Variants in PIK3C2G observed in about 807,000 individuals in gnomAD.
The protein encoded by PIK3C2G is phosphatidylinositol-4-phosphate 3-kinase catalytic subunit type 2 gamma, also known as phosphatidylinositol 3-kinase C2 domain-containing subunit gamma.
PIK3C2G carries 168 observed loss-of-function variants against 181.1 expected under a neutral mutation model. The observed-to-expected ratio is 0.93, with a 90% CI of 0.82 to 1.05. The LOEUF (loss-of-function observed/expected upper bound fraction) is 1.05, where lower values mean the gene tolerates loss of function less well. PIK3C2G is among the 50% of genes least tolerant of loss of function. The probability of loss-of-function intolerance (pLI) is 0.00; values close to 1 mark genes in which losing one functional copy is unlikely to be tolerated. For synonymous variants in PIK3C2G, 573 were observed against 592.2 expected (o/e 0.97, Z 0.47); for missense variants, 1,869 against 1,732.8 (o/e 1.08, Z -1.40).
At position 18,403,641 on chromosome 12, in the gene PIK3C2G, A is replaced by G. The variant is rs528179465; in HGVS notation, c.2315+3794A>G. ...AGTTTTTAATATTGCTATTTACTTA[A>G]TCTGTCCAAAGGTTCACCATCTCCT... is the stretch of plus-strand genomic sequence containing the variant. On this transcript the variant is annotated intron_variant, in intron 16 of 32. Coordinates refer to ENST00000538779, the MANE Select transcript of PIK3C2G (RefSeq NM_001288772.2). Among the ~76,000 whole-genome samples, 47 of 152,198 alleles carry G rather than the reference A, an allele frequency of 3.1e-4. 1 individual carries two copies. In the South Asian group the frequency reaches 9.5e-3, roughly 31 times the overall value.
the PIK3C2G span, chr12:18,688,021 A>T: frequency 6.3e-7 from 1 of 1,578,422 alleles, no homozygotes; most frequent in Non-Finnish European, 8.6e-7. Context: ...AACTCTATCA[A>T]CATATAATTT....
chr12:18,419,017 G>C (rs1945330568), intron 16 of PIK3C2G, among the ~76,000 whole-genome samples: 1 of 152,132 alleles, frequency 6.6e-6, no homozygotes, highest in African/African-American at 2.4e-5. Context: ...TGATAACACA[G>C]ACTACAGTGA....
At chr12:18,475,618 A>T (rs753463157) in intron 18 of PIK3C2G, among the ~76,000 whole-genome samples, 1 of 152,072 alleles carries the variant, frequency 6.6e-6, no homozygotes, top group African/African-American at 2.4e-5. Context: ...TTTCCCCATG[A>T]TCTGAATCCT....
chr12:18,615,331 GT>G (rs1410936722), intron 31 of PIK3C2G, among the ~76,000 whole-genome samples: 1 of 27,348 alleles, frequency 3.7e-5, no homozygotes, highest in African/African-American at 4.9e-4. Context: ...GTATTCCACG[GT>G]GTGTGTGTGT....
chr12:18,378,452 C>T (rs1005585775), intron 13 of PIK3C2G, among the ~76,000 whole-genome samples: 1 of 152,144 alleles, frequency 6.6e-6, no homozygotes, highest in Admixed American at 6.5e-5. Flanking sequence ...AGGACATAGG[C>T]ATGGGCAAGG....
chr12:18,259,175 C>G (rs1948178235), upstream of PIK3C2G, among the ~76,000 whole-genome samples: 1 of 152,026 alleles, frequency 6.6e-6, no homozygotes. Flanking sequence ...GTCTTTTTCA[C>G]CACATTATAA....
At chr12:18,504,323 G>A (rs992524649) in intron 23 of PIK3C2G, among the ~76,000 whole-genome samples, 11 of 152,236 alleles carry the variant, frequency 7.2e-5, no homozygotes, top group African/African-American at 2.2e-4. Context: ...CTTTTTAGCT[G>A]TTCCCAAAAT....
At chr12:18,682,135 T>C in the PIK3C2G span, among the ~76,000 whole-genome samples, 2 of 152,082 alleles carry the variant, frequency 1.3e-5, no homozygotes, top group South Asian at 2.1e-4. Context: ...AACTGGAAGA[T>C]TGTGCACTTA....
the PIK3C2G span, chr12:18,688,301 C>A: frequency 7.0e-7 from 1 of 1,424,126 alleles, no homozygotes; most frequent in East Asian, 2.3e-5. Context: ...TTATGTATTA[C>A]AAAAAGTTGA....
chr12:18,694,078 C>G, the PIK3C2G span: 5 of 1,216,056 alleles, frequency 4.1e-6, no homozygotes, highest in African/African-American at 4.6e-5. Context: ...AGGAAGACAC[C>G]CCTGAGGGGC....
chr12:18,650,724 A>ATTCCAG (rs1565602756), downstream of PIK3C2G, among the ~76,000 whole-genome samples: 1 of 19,260 alleles, frequency 5.2e-5, no homozygotes, highest in East Asian at 2.1e-3. Flanking sequence ...ATATATATAT[A>ATTCCAG]TATATATATA....
chr12:18,450,082 A>C (rs544428270), intron 18 of PIK3C2G, among the ~76,000 whole-genome samples: 1 of 152,168 alleles, frequency 6.6e-6, no homozygotes, highest in South Asian at 2.1e-4. Context: ...TCTTCTGTTG[A>C]GAAGTGTCTG....
chr12:18,388,071 AG>A (rs2138023437), intron 14 of PIK3C2G, among the ~76,000 whole-genome samples: 1 of 152,314 alleles, frequency 6.6e-6, no homozygotes, highest in East Asian at 1.9e-4. Context: ...ATTGATACAA[AG>A]TTTTTAGAAC....
rs1949246549 is a variant in PIK3C2G, at chr12:18,282,138, T to C, written c.57T>C (p.Tyr19=). The C allele has an allele frequency of 1.9e-6, 3 of 1,609,354 alleles. No homozygotes were observed. The highest frequency in any genetic ancestry group is 2.7e-5 in the African/African-American group (2 of 74,878). ...PNPNESHEKQ[Y]EHQEFLFVNQ... ...CTAATGAATCACACGAAAAGCAGTA[T>C]GAACACCAAGAATTTCTCTTTGTAA... The change falls in exon 2 of 33, where the codon TAT becomes TAC. Residue 19 remains tyrosine, a synonymous_variant. Coordinates refer to ENST00000538779, the MANE Select transcript of PIK3C2G (RefSeq NM_001288772.2).
the PIK3C2G span, among the ~76,000 whole-genome samples, chr12:18,665,441 T>A: frequency 2.0e-5 from 3 of 152,194 alleles, no homozygotes; most frequent in African/African-American, 7.2e-5. Context: ...ATTGGTAATG[T>A]ATTTTAGGTT....
chr12:18,267,030 A>G (rs1948532335), intron 1 of PIK3C2G, among the ~76,000 whole-genome samples: 1 of 151,740 alleles, frequency 6.6e-6, no homozygotes, highest in Non-Finnish European at 1.5e-5. Context: ...TTTCTGATTT[A>G]TTTTTAGGAT....
At chr12:18,704,192 A>G in the PIK3C2G span, among the ~76,000 whole-genome samples, 1 of 152,216 alleles carries the variant, frequency 6.6e-6, no homozygotes, top group Non-Finnish European at 1.5e-5. Context: ...GAGGTTCATT[A>G]GAATTTATCA....
the PIK3C2G span, among the ~76,000 whole-genome samples, chr12:18,658,111 C>A: frequency 6.6e-6 from 1 of 152,026 alleles, no homozygotes; most frequent in African/African-American, 2.4e-5. Context: ...GAAGAATTAG[C>A]AAACTTGAAA....
chr12:18,427,284 T>C (rs924037978), intron 18 of PIK3C2G, among the ~76,000 whole-genome samples: 2 of 151,750 alleles, frequency 1.3e-5, no homozygotes, highest in Non-Finnish European at 2.9e-5. Flanking sequence ...GGCTGGTGGA[T>C]CACCTGAGGT....
Sources: allele counts gnomAD v4.1 joint callset (sites outside exome capture counted in the v4.1 genomes callset), GRCh38; gene constraint gnomAD v4.1.1; transcripts MANE v1.5; gene names NCBI Gene and HGNC (gene_info 2026-07-23, HGNC 2026-07-21).